FNBP4: variants seen among roughly 807,000 people sequenced by gnomAD.
FNBP4 encodes the protein formin binding protein 4.
FNBP4 carries 34 observed loss-of-function variants against 119.3 expected under a neutral mutation model. That is an observed-to-expected ratio of 0.28 (90% CI 0.22 to 0.38). The LOEUF is 0.38. FNBP4 is among the 10% of genes least tolerant of loss of function. The pLI is 1.00. For synonymous variants in FNBP4, 462 were observed against 430.6 expected (o/e 1.07, Z -0.90); for missense variants, 1,112 against 1,228.9 (o/e 0.90, Z 1.42).
chr11:47,727,428 T>C (rs1003951446), intron 12 of FNBP4, among the ~76,000 whole-genome samples: 3 of 152,014 alleles, frequency 2.0e-5, no homozygotes, highest in Non-Finnish European at 4.4e-5. Flanking sequence ...TTTTGTATTT[T>C]TAGTAAGAGA....
At chr11:47,756,402 G>A (rs979006619) in intron 2 of FNBP4, among the ~76,000 whole-genome samples, 1 of 152,160 alleles carries the variant, frequency 6.6e-6, no homozygotes, top group Non-Finnish European at 1.5e-5. Context: ...CTAGTTTTGT[G>A]TGTCATACAT....
At position 47,719,872 on chromosome 11, in the gene FNBP4, T is replaced by C. The variant is rs2097553669; in HGVS notation, c.2963+57A>G. On this transcript the variant is annotated intron_variant, in intron 16 of 16. Transcript: ENST00000263773. ...AACAACCACAACCTACTCCATCTCA[T>C]AGTAGGTCTCAACCTACTCCAAAAC... The C allele has an allele frequency of 3.2e-6, 5 of 1,540,800 alleles. 1 individual carries two copies. In the East Asian group the frequency reaches 6.8e-5, roughly 21 times the overall value.
At chr11:47,722,491 C>T (rs1050201137) in intron 15 of FNBP4, among the ~76,000 whole-genome samples, 1 of 152,084 alleles carries the variant, frequency 6.6e-6, no homozygotes, top group Non-Finnish European at 1.5e-5. Flanking sequence ...CATGTGAGGA[C>T]TAGGTATGGG....
At chr11:47,734,548 T>G (rs1416511274) in intron 9 of FNBP4, among the ~76,000 whole-genome samples, 1 of 152,116 alleles carries the variant, frequency 6.6e-6, no homozygotes, top group Non-Finnish European at 1.5e-5. Flanking sequence ...AACATGGAAT[T>G]CAATAGTTGC....
In FNBP4 at chr11:47,732,673, A is replaced by G. The variant is rs2097568819; in HGVS notation, c.1687-3T>C. The G allele has an allele frequency of 6.2e-7, 1 of 1,613,904 alleles. No individual in the cohort carries two copies. Among genetic ancestry groups the G allele is most frequent in the Non-Finnish European group, 8.5e-7 (1 of 1,179,744 alleles). ...TCCCGCCAGTCTGCAATTCGAGTCT[A>G]GAATAAACAGACAAATAAGTTAAAG... On this transcript the variant is annotated splice_region_variant and splice_polypyrimidine_tract_variant and intron_variant, in intron 10 of 16. Coordinates refer to ENST00000263773, the MANE Select transcript of FNBP4 (RefSeq NM_015308.5). This position sits in a 1 kb window ranked among gnomAD's most constrained non-coding sequence, Gnocchi z 4.2.
chr11:47,724,071 A>C lies in FNBP4; in HGVS notation c.2421T>G (p.Ile807Met). 2 of 1,614,204 alleles carry C rather than the reference A, an allele frequency of 1.2e-6. No homozygotes were observed. The highest frequency in any genetic ancestry group is 1.7e-6 in the Non-Finnish European group (2 of 1,180,036). Residue 807 changes from isoleucine to methionine, a missense_variant, in exon 14 of 17, where the codon ATT becomes ATG. Physicochemically the swap from Ile to Met is conservative, Grantham distance 10. This residue lies in a region of FNBP4 where 826 missense variants were observed against 988.8 expected (regional missense o/e 0.84). Coordinates refer to ENST00000263773, the MANE Select transcript of FNBP4 (RefSeq NM_015308.5). ...STAVVQRSAT[I>M]GSSPVLYSQS... ...GGCTATAGAGAACTGGAGAACTGCC[A>C]ATGGTAGCTGACCTCTGAACCACTG...
intron 7 of FNBP4, 115 bp from the exon 8 acceptor site, chr11:47,744,278 CT>C (rs1009890878): frequency 0.076 from 53,740 of 708,150 alleles, no homozygotes; most frequent in South Asian, 0.11. Flanking sequence ...ACAGAAAGCA[CT>C]TTTTTTTTTT....
rs747916296 is a variant in FNBP4, at chr11:47,765,180, G to A, written c.313+90C>T. ...GAGAAATAATGTTAGCAACACTAAA[G>A]CATTCAGCAAAACATTCTATGTACA... is the stretch of plus-strand genomic sequence containing the variant. On this transcript the variant is annotated intron_variant, in intron 2 of 16. Transcript: ENST00000263773. 393 of 788,224 alleles carry A rather than the reference G, an allele frequency of 5.0e-4. 2 individuals carry two copies. The highest frequency in any genetic ancestry group is 7.6e-4 in the Non-Finnish European group (356 of 467,392). The allele number at this position is 788,224 out of a possible 1,614,324, so 48.8% of individuals were successfully genotyped here. A position where few individuals can be genotyped will look rare whatever the true frequency, so the allele number is the denominator to read the frequency against.
intron 2 of FNBP4, among the ~76,000 whole-genome samples, chr11:47,759,819 G>A (rs1282267197): frequency 6.6e-6 from 1 of 152,100 alleles, no homozygotes; most frequent in African/African-American, 2.4e-5. Flanking sequence ...TGGGCGTGGT[G>A]GCAGGCACCT....
At chr11:47,731,987 G>C in intron 11 of FNBP4, 1 of 993,718 alleles carries the variant, frequency 1.0e-6, no homozygotes, top group Non-Finnish European at 1.2e-6. Flanking sequence ...TCATATTCTT[G>C]ATATCAAACA....
At chr11:47,729,713 A>AT in intron 12 of FNBP4, 1 of 985,262 alleles carries the variant, frequency 1.0e-6, no homozygotes, top group Non-Finnish European at 1.2e-6. Flanking sequence ...GAGACAGGGC[A>AT]TTGCTGTGTT....
intron 4 of FNBP4, among the ~76,000 whole-genome samples, chr11:47,751,792 A>C (rs2097604697): frequency 6.6e-6 from 1 of 152,080 alleles, no homozygotes. Flanking sequence ...TCTCTACTAA[A>C]AATACAAAAA....
chr11:47,730,680 T>A (rs552647376), intron 12 of FNBP4, among the ~76,000 whole-genome samples: 2 of 152,326 alleles, frequency 1.3e-5, no homozygotes. Flanking sequence ...TTCTTAAGAT[T>A]AACAGGTGGA....
intron 8 of FNBP4, among the ~76,000 whole-genome samples, chr11:47,743,192 C>T (rs2097584719): frequency 6.6e-6 from 1 of 151,954 alleles, no homozygotes; most frequent in Non-Finnish European, 1.5e-5. Context: ...CTTTCCACTA[C>T]AGAATTAGGG....
intron 3 of FNBP4, 140 bp downstream of exon 3, chr11:47,754,388 C>T (rs956387181): frequency 1.6e-5 from 13 of 800,330 alleles, no homozygotes; most frequent in Admixed American, 5.1e-5. Flanking sequence ...AGATAGAGAT[C>T]GGGAGAAATA....
At position 47,752,992 on chromosome 11, in the gene FNBP4, A is replaced by G; in HGVS notation, c.561T>C (p.Ser187=). 1 of 1,614,172 alleles carries G rather than the reference A, an allele frequency of 6.2e-7. No individual in the cohort carries two copies. The highest frequency in any genetic ancestry group is 1.1e-5 in the South Asian group (1 of 91,076). Residue 187 remains serine, a synonymous_variant, in exon 4 of 17, where the codon TCT becomes TCC. Coordinates refer to ENST00000263773, the MANE Select transcript of FNBP4 (RefSeq NM_015308.5). ...EPKEAATSTL[S]SSTSNGTDST... is the part of the protein sequence containing the mutation. ...AGTCTGTTCCATTTGAAGTAGAAGA[A>G]GAAAGGGTAGATGTTGCTGCTTCCT...
At position 47,752,384 on chromosome 11, in the gene FNBP4, C is replaced by G. The variant is rs187255127; in HGVS notation, c.637+532G>C. ...AGGTTGCAGTGAGCCGAGATCGCAT[C>G]ACTGCACTCCAGCCTGGGCAACAAG... On this transcript the variant is annotated intron_variant, in intron 4 of 16. Coordinates refer to ENST00000263773, the MANE Select transcript of FNBP4 (RefSeq NM_015308.5). Among the ~76,000 whole-genome samples the G allele has an allele frequency of 4.3e-3, 643 of 148,386 alleles. 3 individuals are homozygous for G. The highest frequency in any genetic ancestry group is 8.6e-3 in the Admixed American group (127 of 14,762).
At chr11:47,724,958 C>CCCACAGGCATCTATTCTATA in intron 12 of FNBP4, 180 bp from the exon 13 acceptor site, 1 of 783,844 alleles carries the variant, frequency 1.3e-6, no homozygotes, top group African/African-American at 1.8e-5. Flanking sequence ...AAAAATTTGG[C>CCCACAGGCATCTATTCTATA]CCACAGGCAT....
intron 8 of FNBP4, among the ~76,000 whole-genome samples, chr11:47,740,522 A>C (rs1419682755): frequency 2.0e-5 from 3 of 151,382 alleles, no homozygotes; most frequent in Non-Finnish European, 4.4e-5. Flanking sequence ...TATGACCTCT[A>C]CCCTCATGGT....
Sources: allele counts gnomAD v4.1 joint callset (sites outside exome capture counted in the v4.1 genomes callset), GRCh38; gene constraint gnomAD v4.1.1; regional missense constraint gnomAD v4.1.1; non-coding constraint Gnocchi (gnomAD v3.1); transcripts MANE v1.5; gene names NCBI Gene and HGNC (gene_info 2026-07-23, HGNC 2026-07-21).